DTNBP1: variants seen among roughly 807,000 people sequenced by gnomAD.
DTNBP1 encodes dysbindin.
A neutral mutation model predicts 42.8 loss-of-function variants in DTNBP1; 35 were observed. That is an observed-to-expected ratio of 0.82 (90% CI 0.63 to 1.09). The LOEUF (loss-of-function observed/expected upper bound fraction) is 1.09, where lower values mean the gene tolerates loss of function less well. Among genes scored for constraint, DTNBP1 ranks in the 50% least tolerant of loss-of-function variants. The pLI is 0.00. For synonymous variants in DTNBP1, 171 were observed against 162.2 expected (o/e 1.05, Z -0.41); for missense variants, 457 against 424.2 (o/e 1.08, Z -0.68).
chr6:15,523,657 C>CT (rs1179870203), intron 9 of DTNBP1: 108 of 1,286,714 alleles, frequency 8.4e-5, no homozygotes, highest in Non-Finnish European at 1.1e-4. Flanking sequence ...TTTTATGGAA[C>CT]TAAATAGGCT....
chr6:15,602,615 T>C (rs186214307), intron 6 of DTNBP1, among the ~76,000 whole-genome samples: 32 of 152,316 alleles, frequency 2.1e-4, no homozygotes, highest in Non-Finnish European at 3.5e-4. Flanking sequence ...ATGTAATAAA[T>C]GAATTCTAAA....
rs560301743 is a variant in DTNBP1, at chr6:15,575,920, T to C, written c.511+17139A>G. ...AGTGTGCACAAAAGCTGATGCAAGA[T>C]GTTGCGCTACGTGCTGCTGGCCCAT... On this transcript the variant is annotated intron_variant, in intron 7 of 9. Transcript: ENST00000344537. Among the ~76,000 whole-genome samples the C allele has an allele frequency of 3.9e-5, 6 of 152,204 alleles. 1 individual carries two copies. In the South Asian group the frequency reaches 1.2e-3, roughly 32 times the overall value.
chr6:15,559,710 G>A (rs1180707401), intron 7 of DTNBP1, among the ~76,000 whole-genome samples: 5 of 152,116 alleles, frequency 3.3e-5, no homozygotes, highest in African/African-American at 7.2e-5. Flanking sequence ...CAGTAGAAAC[G>A]GCCCAATTCT....
chr6:15,584,137 T>TA (rs1354071692), intron 7 of DTNBP1, among the ~76,000 whole-genome samples: 9 of 152,198 alleles, frequency 5.9e-5, no homozygotes, highest in Admixed American at 5.9e-4. Context: ...AGCCAGCTTT[T>TA]AAAAAAACGA....
intron 3 of DTNBP1, among the ~76,000 whole-genome samples, chr6:15,644,561 A>T (rs1760564915): frequency 6.6e-6 from 1 of 152,152 alleles, no homozygotes; most frequent in Non-Finnish European, 1.5e-5. Context: ...ATTCAAAACA[A>T]TCAAAATCAT....
intron 7 of DTNBP1, among the ~76,000 whole-genome samples, chr6:15,534,149 G>A (rs1245295759): frequency 3.3e-5 from 5 of 152,172 alleles, no homozygotes; most frequent in African/African-American, 9.7e-5. Context: ...ATGGAGACAC[G>A]AAGTGTGCTC....
At chr6:15,541,906 G>A (rs1378087855) in intron 7 of DTNBP1, among the ~76,000 whole-genome samples, 5 of 152,098 alleles carry the variant, frequency 3.3e-5, no homozygotes, top group South Asian at 2.1e-4. Context: ...GTTAATGACC[G>A]AAAAAGGCCC....
intron 8 of DTNBP1, among the ~76,000 whole-genome samples, chr6:15,531,854 C>T (rs1772852747): frequency 6.6e-6 from 1 of 152,152 alleles, no homozygotes; most frequent in African/African-American, 2.4e-5. Flanking sequence ...GGATGGTCTC[C>T]ATCTCTTGAC....
At chr6:15,548,457 A>T (rs1261244663) in intron 7 of DTNBP1, 1 of 151,628 alleles carries the variant, frequency 6.6e-6, no homozygotes, top group East Asian at 1.9e-4. Context: ...ACACACACAC[A>T]CACACACACA....
chr6:15,636,228 G>A (rs571497008), intron 4 of DTNBP1, among the ~76,000 whole-genome samples: 2 of 146,720 alleles, frequency 1.4e-5, no homozygotes, highest in African/African-American at 5.2e-5. Context: ...TTGGCTCACC[G>A]TAACCTCCGC....
intron 7 of DTNBP1, among the ~76,000 whole-genome samples, chr6:15,568,369 T>C (rs1775190842): frequency 6.6e-6 from 1 of 152,254 alleles, no homozygotes; most frequent in Non-Finnish European, 1.5e-5. Flanking sequence ...TTTCTTTGTA[T>C]CTTCATTTCT....
intron 6 of DTNBP1, among the ~76,000 whole-genome samples, chr6:15,607,780 T>C (rs1309487496): frequency 8.6e-6 from 1 of 116,782 alleles, no homozygotes; most frequent in Non-Finnish European, 1.7e-5. Context: ...TATATGGAAT[T>C]AATTAAAAAA....
intron 6 of DTNBP1, among the ~76,000 whole-genome samples, chr6:15,607,517 G>A (rs756319649): frequency 6.6e-6 from 1 of 152,048 alleles, no homozygotes; most frequent in Non-Finnish European, 1.5e-5. Flanking sequence ...GGCCAGGCTG[G>A]TCTCAAACTC....
chr6:15,635,899 T>C (rs1047136539), intron 4 of DTNBP1, among the ~76,000 whole-genome samples: 4 of 152,228 alleles, frequency 2.6e-5, no homozygotes, highest in Admixed American at 2.6e-4. Flanking sequence ...TTTTATCTCT[T>C]GAAAGATTTT....
chr6:15,538,683 C>T (rs1057442326), intron 7 of DTNBP1, among the ~76,000 whole-genome samples: 7 of 152,204 alleles, frequency 4.6e-5, no homozygotes, highest in Non-Finnish European at 8.8e-5. Flanking sequence ...TGAAAAAGGA[C>T]AACCTGAGTG....
At chr6:15,634,253 A>G (rs913925388) in intron 4 of DTNBP1, among the ~76,000 whole-genome samples, 1 of 151,986 alleles carries the variant, frequency 6.6e-6, no homozygotes, top group Non-Finnish European at 1.5e-5. Context: ...ACTGTTATGC[A>G]TTTTCCTCTG....
In DTNBP1 at chr6:15,523,097, CA is replaced by C. The variant is rs750482863; in HGVS notation, c.933del (p.Ser311ArgfsTer74). On this transcript the variant is annotated frameshift_variant, in exon 10 of 10. Coordinates refer to ENST00000344537, the MANE Select transcript of DTNBP1 (RefSeq NM_032122.5). LOFTEE classifies it low-confidence loss of function (END_TRUNC). The part of the protein sequence containing the change: ...TCTDSATRDI[S>X]EGGESPVVQS... ...TGAACAACGGGGGACTCCCCACCCT[CA>C]CTGATGTCCCGGGTGGCCGAGTCGG... 9 of 1,614,264 alleles carry C rather than the reference CA, an allele frequency of 5.6e-6. No individual in the cohort carries two copies. In the South Asian group the frequency reaches 9.9e-5, roughly 18 times the overall value.
At chr6:15,646,628 G>C (rs1020435449) in intron 3 of DTNBP1, among the ~76,000 whole-genome samples, 1 of 151,922 alleles carries the variant, frequency 6.6e-6, no homozygotes, top group African/African-American at 2.4e-5. Context: ...ATACTACAAG[G>C]CTACAGTAAC....
At chr6:15,525,107 A>G (rs1400217578) in intron 8 of DTNBP1, among the ~76,000 whole-genome samples, 1 of 152,176 alleles carries the variant, frequency 6.6e-6, no homozygotes, top group Non-Finnish European at 1.5e-5. Context: ...TGGAGTTTCC[A>G]CTGGCCTTGG....
Sources: allele counts gnomAD v4.1 joint callset (sites outside exome capture counted in the v4.1 genomes callset), GRCh38; gene constraint gnomAD v4.1.1; transcripts MANE v1.5; gene names NCBI Gene and HGNC (gene_info 2026-07-23, HGNC 2026-07-21).